Variants in DHX37 observed in about 807,000 individuals in gnomAD.
The protein encoded by DHX37 is DEAH-box helicase 37.
DHX37 carries 52 observed loss-of-function variants against 134.3 expected under a neutral mutation model. That is an observed-to-expected ratio of 0.39 (90% CI 0.31 to 0.49). The LOEUF is 0.49. DHX37 is among the 20% of genes least tolerant of loss of function. The pLI is 0.93. For synonymous variants in DHX37, 634 were observed against 670.7 expected, an observed-to-expected ratio of 0.95 and a Z score of 0.85; for missense variants, 1,344 against 1,580.8, an observed-to-expected ratio of 0.85 and a Z score of 2.54.
At position 124,974,852 on chromosome 12, in the gene DHX37, C is replaced by T. The variant is rs150854372; in HGVS notation, c.980+567G>A. Among the ~76,000 whole-genome samples the T allele has an allele frequency of 1.1e-3, 168 of 151,784 alleles. 2 individuals are homozygous for T. The highest frequency in any genetic ancestry group is 4.0e-3 in the South Asian group (19 of 4,810). Reference sequence around the variant, plus strand: ...AGTGCAATGGTGCGATCTTGGCTTACGGCAACCTCTGCCTCCCGGGTTCAA... The same window carrying T: ...AGTGCAATGGTGCGATCTTGGCTTATGGCAACCTCTGCCTCCCGGGTTCAA... On this transcript the variant is annotated intron_variant, in intron 6 of 26. Coordinates refer to ENST00000308736, the MANE Select transcript of DHX37 (RefSeq NM_032656.4).
chr12:124,957,196 T>C, intron 16 of DHX37, 61 bp from the exon 17 acceptor site: 1 of 1,408,152 alleles, frequency 7.1e-7, no homozygotes, highest in Middle Eastern at 1.9e-4. Context: ...CCGGTGCTCC[T>C]GCTCCGTCTG....
At chr12:124,972,475 GC>G (rs1954541922) in intron 7 of DHX37, 27 bp downstream of exon 7, 2 of 1,612,728 alleles carry the variant, frequency 1.2e-6, no homozygotes, top group African/African-American at 1.3e-5. Flanking sequence ...CACTGGCCTT[GC>G]TCTGTGAGCC....
rs1239266225 is a variant in DHX37, at chr12:124,947,456, A to AGGGC, written c.*342_*345dup. 5.0e-6 allele frequency: 1 copy of AGGGC among 201,458 alleles called. No homozygotes were observed. The highest frequency in any genetic ancestry group is 9.8e-6 in the Non-Finnish European group (1 of 102,334). 12.5% of individuals were successfully genotyped at this position (201,458 alleles called of 1,614,324 possible). ...CCACGTGCCTCCTCGGCCTTCTGGC[A>AGGGC]GGGCGGGCGGGGAAGGGACTGCAGA... On this transcript the variant is annotated 3_prime_UTR_variant, in exon 27 of 27. Coordinates refer to ENST00000308736, the MANE Select transcript of DHX37 (RefSeq NM_032656.4).
intron 1 of DHX37, 99 bp downstream of exon 1, chr12:124,988,818 T>A: frequency 1.5e-6 from 1 of 649,002 alleles, no homozygotes; most frequent in Non-Finnish European, 2.3e-6. Context: ...AGATGATCCA[T>A]CCCACCCCTC....
chr12:124,979,020 T>G (rs1954703049), intron 4 of DHX37, among the ~76,000 whole-genome samples: 1 of 151,998 alleles, frequency 6.6e-6, no homozygotes, highest in East Asian at 1.9e-4. Flanking sequence ...GAGAAACTTC[T>G]GCACATGCGC....
intron 2 of DHX37, among the ~76,000 whole-genome samples, chr12:124,984,540 TAATAA>T (rs1472906536): frequency 3.3e-5 from 5 of 149,298 alleles, no homozygotes; most frequent in Non-Finnish European, 7.4e-5. Flanking sequence ...TCTCAAAAAA[TAATAA>T]AATAAAATAA....
chr12:124,975,890 C>T (rs1202998497), intron 5 of DHX37, among the ~76,000 whole-genome samples: 1 of 152,192 alleles, frequency 6.6e-6, no homozygotes, highest in African/African-American at 2.4e-5. Context: ...GCTGCTCTCC[C>T]TCGAAAGGCT....
chr12:124,952,378 G>C lies in DHX37; in HGVS notation c.2868+20C>G. 1.9e-6 allele frequency: 3 copies of C among 1,594,970 alleles called. No individual in the cohort carries two copies. Among genetic ancestry groups the C allele is most frequent in the Non-Finnish European group, 1.7e-6 (2 of 1,173,792 alleles). On this transcript the variant is annotated intron_variant, in intron 21 of 26. Transcript: ENST00000308736. ...CAGGTGCCCCAAGCTACCCGGGCAG[G>C]GAGGCGGTGGGGGCCGCACCTTGTA...
chr12:124,975,320 C>T, intron 6 of DHX37, 99 bp downstream of exon 6: 5 of 1,263,066 alleles, frequency 4.0e-6, no homozygotes, highest in Non-Finnish European at 5.6e-6. Context: ...CACCCAGCAC[C>T]CTCGGCACAG....
At chr12:124,964,867 C>G (rs1954344677) in intron 14 of DHX37, 63 bp downstream of exon 14, 17 of 1,519,904 alleles carry the variant, frequency 1.1e-5, no homozygotes, top group Non-Finnish European at 1.4e-5. Flanking sequence ...AAGGGCTTGA[C>G]CAACCCCACT....
chr12:124,971,016 G>A (rs1417366102), intron 8 of DHX37, among the ~76,000 whole-genome samples: 1 of 152,246 alleles, frequency 6.6e-6, no homozygotes, highest in Admixed American at 6.5e-5. Flanking sequence ...CGCCTGGCAA[G>A]GCATCAACAC....
At chr12:124,985,205 T>C (rs552233288) in intron 2 of DHX37, among the ~76,000 whole-genome samples, 7 of 152,250 alleles carry the variant, frequency 4.6e-5, no homozygotes, top group Non-Finnish European at 8.8e-5. Flanking sequence ...GTCATTTGTA[T>C]GACATCCCCA....
intron 7 of DHX37, among the ~76,000 whole-genome samples, 197 bp from the exon 8 acceptor site, chr12:124,971,612 T>C (rs941409629): frequency 2.0e-5 from 3 of 152,082 alleles, no homozygotes; most frequent in African/African-American, 4.8e-5. Flanking sequence ...GGTGGGGCCG[T>C]GGGCAGTTGG....
intron 16 of DHX37, among the ~76,000 whole-genome samples, chr12:124,958,005 C>T (rs1012640516): frequency 6.6e-6 from 1 of 152,158 alleles, no homozygotes; most frequent in African/African-American, 2.4e-5. Context: ...ACAAAGGCCA[C>T]GCATTGTAGG....
rs1294107966 is a variant in DHX37, at chr12:124,967,117, C to T, written c.1504+6G>A. ...GGCAGAGTGCTGGTCGGGGCGTCCT[C>T]TTTACCTTGTGGCCGGGCTCTGGAG... On this transcript the variant is annotated splice_donor_region_variant and intron_variant, in intron 11 of 26. Transcript: ENST00000308736. 6.2e-7 allele frequency: 1 copy of T among 1,613,600 alleles called. No individual in the cohort carries two copies. Among genetic ancestry groups the T allele is most frequent in the Admixed American group, 1.7e-5 (1 of 60,002 alleles).
Position 124,980,124 on chromosome 12 carries a change from C to A in DHX37, c.738+366G>T, listed in dbSNP as rs761350791. 1.3e-5 allele frequency among the ~76,000 whole-genome samples: 2 copies of A among 152,246 alleles called. No individual in the cohort carries two copies. Among genetic ancestry groups the A allele is most frequent in the Non-Finnish European group, 2.9e-5 (2 of 68,046 alleles). On this transcript the variant is annotated intron_variant, in intron 4 of 26. Coordinates refer to ENST00000308736, the MANE Select transcript of DHX37 (RefSeq NM_032656.4). This position sits in a 1 kb window ranked among gnomAD's most constrained non-coding sequence, Gnocchi z 5.3. ...ATTTTACAGATGCGCGGGAAGTGAG[C>A]TGGAGAGCAGGGGAATCAGCACTTG...
chr12:124,975,427 C>A lies in DHX37; in HGVS notation c.972G>T (p.Leu324=), dbSNP rs372527467. ...MSQRVAKEMN[L]SQRVVSYQIR... ...GGAAGTAGAGCCCTCACCGCTGGGA[C>A]AGATTCATCTCCTTGGCCACTCGCT... Residue 324 remains leucine (L), a synonymous_variant, in exon 6 of 27, where the codon CTG becomes CTT. Coordinates refer to ENST00000308736, the MANE Select transcript of DHX37 (RefSeq NM_032656.4). 6 of 1,612,898 alleles carry A rather than the reference C, an allele frequency of 3.7e-6. No individual in the cohort carries two copies. Among genetic ancestry groups the A allele is most frequent in the Non-Finnish European group, 5.1e-6 (6 of 1,180,026 alleles).
At chr12:124,953,769 G>T (rs1954022899) in intron 20 of DHX37, 111 bp downstream of exon 20, 2 of 1,459,718 alleles carry the variant, frequency 1.4e-6, no homozygotes, top group Middle Eastern at 2.5e-4. Flanking sequence ...ATACATTTTG[G>T]TGCGTAGCAA....
intron 7 of DHX37, among the ~76,000 whole-genome samples, chr12:124,971,703 A>C (rs1954526340): frequency 6.6e-6 from 1 of 152,168 alleles, no homozygotes; most frequent in African/African-American, 2.4e-5. Context: ...GTGGCTTCAA[A>C]GCCAGGAGGG....
Sources: gnomAD v4.1 joint callset for allele counts (sites outside exome capture counted in the v4.1 genomes callset) on GRCh38, gnomAD v4.1.1 for gene constraint, Gnocchi (gnomAD v3.1) non-coding constraint, MANE v1.5 for transcripts, NCBI Gene and HGNC (gene_info 2026-07-23, HGNC 2026-07-21) for gene names.